The following OPHN1 variants were observed in gnomAD, a reference collection of about 807,000 sequenced individuals.
OPHN1 encodes the protein oligophrenin-1.
In OPHN1, 11 loss-of-function variants were observed where a neutral mutation model predicts 60.7. That is an observed-to-expected ratio of 0.18 (90% CI 0.11 to 0.30). The LOEUF is 0.30. Ranked by LOEUF, OPHN1 falls within the 10% of genes least tolerant of loss-of-function variation. The pLI, the probability that OPHN1 is intolerant of heterozygous loss-of-function variation, is 1.00. For synonymous variants in OPHN1, 226 were observed against 222.6 expected, an observed-to-expected ratio of 1.02 and a Z score of -0.14; for missense variants, 449 against 611.0, an observed-to-expected ratio of 0.73 and a Z score of 2.80.
intron 7 of OPHN1, among the ~76,000 whole-genome samples, chrX:68,212,894 G>A (rs2147483014): frequency 8.9e-6 from 1 of 112,492 alleles, no homozygotes; most frequent in South Asian, 3.7e-4. Flanking sequence ...ATGAATGAAA[G>A]TAAATAGATA....
intron 23 of OPHN1, among the ~76,000 whole-genome samples, chrX:68,049,970 GTCAT>G (rs780610028): frequency 8.9e-6 from 1 of 112,303 alleles, no homozygotes; most frequent in Middle Eastern, 4.6e-3. Flanking sequence ...AGGGGGTGAT[GTCAT>G]TCAAACGCTA....
chrX:68,403,466 T>C (rs2078725359), intron 2 of OPHN1, among the ~76,000 whole-genome samples: 2 of 111,503 alleles, frequency 1.8e-5, no homozygotes, highest in Admixed American at 9.6e-5. Context: ...GCCTTCTTTT[T>C]TGGAATTGCT....
chrX:68,351,789 C>G (rs1367453353), intron 2 of OPHN1, among the ~76,000 whole-genome samples: 2 of 110,308 alleles, frequency 1.8e-5, no homozygotes, highest in South Asian at 3.9e-4. Context: ...CTCCGCCTCC[C>G]GGGTTCACAC....
At position 68,256,971 on chromosome X, in the gene OPHN1, G is replaced by T. The variant is rs376765086; in HGVS notation, c.384+17767C>A. Reference sequence around the variant, plus strand: ...TGCTTGAACCCGGGAGGCGGAGGTTGCAGTGAGCTGAGACTGCACTATGGC... The same window carrying T: ...TGCTTGAACCCGGGAGGCGGAGGTTTCAGTGAGCTGAGACTGCACTATGGC... On this transcript the variant is annotated intron_variant, in intron 5 of 24. Transcript: ENST00000355520. 3.7e-5 allele frequency among the ~76,000 whole-genome samples: 4 copies of T among 109,193 alleles called. No homozygotes were observed. In the East Asian group the frequency reaches 8.6e-4, roughly 24 times the overall value. 94.8% of individuals were successfully genotyped at this position (109,193 alleles called of 115,157 possible).
chrX:68,361,333 AGCTGGGTGTGGT>A (rs1428293840), intron 2 of OPHN1: 1 of 109,140 alleles, frequency 9.2e-6, no homozygotes, highest in African/African-American at 3.3e-5. Context: ...TACAAAAATT[AGCTGGGTGTGGT>A]GGTGGGCGCC....
In OPHN1 at chrX:68,243,196, G is replaced by A. The variant is rs1345692637; in HGVS notation, c.385-8608C>T. On this transcript the variant is annotated intron_variant, in intron 5 of 24. Coordinates refer to ENST00000355520, the MANE Select transcript of OPHN1 (RefSeq NM_002547.3). Reference sequence around the variant, plus strand: ...AGAAAATTCATAGAGAAGACAGAAAGTAAATTAGACTTTACCAGGGCTGGG... The same window carrying A: ...AGAAAATTCATAGAGAAGACAGAAAATAAATTAGACTTTACCAGGGCTGGG... 2.7e-5 allele frequency among the ~76,000 whole-genome samples: 3 copies of A among 111,135 alleles called. No individual in the cohort carries two copies. In the East Asian group the frequency reaches 8.5e-4, roughly 32 times the overall value.
At chrX:68,313,180 C>T (rs1011727895) in intron 2 of OPHN1, among the ~76,000 whole-genome samples, 1 of 111,264 alleles carries the variant, frequency 9.0e-6, no homozygotes, top group Admixed American at 9.6e-5. Flanking sequence ...TAAATGCTGG[C>T]GAGTATGTGG....
At chrX:68,266,477 C>T (rs1170203199) in intron 5 of OPHN1, among the ~76,000 whole-genome samples, 1 of 110,980 alleles carries the variant, frequency 9.0e-6, no homozygotes, top group Non-Finnish European at 1.9e-5. Flanking sequence ...CAAGCAAATG[C>T]TGAGAGATTT....
intron 6 of OPHN1, among the ~76,000 whole-genome samples, chrX:68,233,090 G>A (rs948256048): frequency 2.7e-5 from 3 of 110,727 alleles, no homozygotes; most frequent in Non-Finnish European, 3.8e-5. Flanking sequence ...CACTATGCCC[G>A]GTTAATTTTG....
intron 20 of OPHN1, among the ~76,000 whole-genome samples, chrX:68,067,653 A>G (rs1463144361): frequency 9.0e-6 from 1 of 111,472 alleles, no homozygotes; most frequent in African/African-American, 3.3e-5. Context: ...GTTGAGAAGG[A>G]TCCAAACTAG....
At chrX:68,146,017 C>G (rs1418246249) in intron 15 of OPHN1, among the ~76,000 whole-genome samples, 1 of 111,969 alleles carries the variant, frequency 8.9e-6, no homozygotes, top group Non-Finnish European at 1.9e-5. Context: ...CCTCAAAGTC[C>G]AAACTATTTA....
At chrX:68,091,616 C>A (rs2077018760) in intron 19 of OPHN1, among the ~76,000 whole-genome samples, 1 of 110,936 alleles carries the variant, frequency 9.0e-6, no homozygotes. Context: ...CTTTCCAGTT[C>A]TAAAATTCAA....
chrX:68,277,677 G>A (rs1436050215), intron 4 of OPHN1, among the ~76,000 whole-genome samples: 1 of 111,230 alleles, frequency 9.0e-6, no homozygotes, highest in Admixed American at 9.6e-5. Flanking sequence ...TGTAATCCCA[G>A]CTACTCGGGA....
chrX:68,426,089 C>G (rs1341457016), intron 2 of OPHN1, among the ~76,000 whole-genome samples: 3 of 111,246 alleles, frequency 2.7e-5, no homozygotes, highest in African/African-American at 6.5e-5. Flanking sequence ...GCCTTGGCTT[C>G]CAAAAGTGCT....
rs186755160 is a variant in OPHN1 at position 68,129,546 on chromosome X, T to C, written c.1277-10214A>G. Among the ~76,000 whole-genome samples the C allele has an allele frequency of 3.6e-5, 4 of 112,164 alleles. No homozygotes were observed. In the East Asian group the frequency reaches 1.1e-3, roughly 31 times the overall value. On this transcript the variant is annotated intron_variant, in intron 15 of 24. Coordinates refer to ENST00000355520, the MANE Select transcript of OPHN1 (RefSeq NM_002547.3). Reference sequence around the variant, plus strand: ...CCATGTAATGTGATGAATAATAAGATTGAAAGTAAAAATAATCATAGAAAA... The same window carrying C: ...CCATGTAATGTGATGAATAATAAGACTGAAAGTAAAAATAATCATAGAAAA...
At chrX:68,386,202 C>T (rs769242141) in intron 2 of OPHN1, among the ~76,000 whole-genome samples, 21 of 111,874 alleles carry the variant, frequency 1.9e-4, no homozygotes, top group Admixed American at 1.6e-3. Context: ...AATTAACTTA[C>T]TGATACAATA....
At chrX:68,253,374 A>C (rs1262264580) in intron 5 of OPHN1, among the ~76,000 whole-genome samples, 1 of 111,744 alleles carries the variant, frequency 8.9e-6, no homozygotes, top group African/African-American at 3.3e-5. Flanking sequence ...TTGAACAAAA[A>C]TAAAACTCAT....
At chrX:68,053,946 C>CAA in intron 21 of OPHN1, 136 bp from the exon 22 acceptor site, 1 of 482,637 alleles carries the variant, frequency 2.1e-6, no homozygotes, top group Non-Finnish European at 3.1e-6. Flanking sequence ...ACAACTCTGG[C>CAA]TATTTTTTTT....
intron 2 of OPHN1, among the ~76,000 whole-genome samples, chrX:68,316,871 A>G (rs67366111): frequency 0.068 from 7,624 of 111,849 alleles, 650 homozygotes; most frequent in African/African-American, 0.24. Context: ...AGTGAGTAGA[A>G]TGTGGACACC....
Sources: allele counts gnomAD v4.1 joint callset (sites outside exome capture counted in the v4.1 genomes callset), GRCh38; gene constraint gnomAD v4.1.1; transcripts MANE v1.5; gene names NCBI Gene and HGNC (gene_info 2026-07-23, HGNC 2026-07-21).